The following COG3 variants were observed in gnomAD, a reference collection of about 807,000 sequenced individuals.
COG3 encodes conserved oligomeric Golgi complex subunit 3.
COG3 carries 32 observed loss-of-function variants against 114.1 expected under a neutral mutation model. That is an observed-to-expected ratio of 0.28 (90% CI 0.21 to 0.38). The LOEUF (loss-of-function observed/expected upper bound fraction) is 0.38. COG3 is among the 10% of genes least tolerant of loss of function. The probability of loss-of-function intolerance (pLI) is 1.00; values close to 1 mark genes in which losing one functional copy is unlikely to be tolerated. For synonymous variants in COG3, 352 were observed against 365.7 expected (o/e 0.96, Z 0.43); for missense variants, 813 against 973.2 (o/e 0.84, Z 2.19).
rs535276112 is a variant in COG3 at position 45,512,733 on chromosome 13, T to C, written c.1809+879T>C. ...GCCTCAACCTCCTGAGGTGAAGCAATTCTCCTGCTTCAGCTTCCTGAGCAA... is the reference window on the plus strand; with the variant it reads ...GCCTCAACCTCCTGAGGTGAAGCAACTCTCCTGCTTCAGCTTCCTGAGCAA... On this transcript the variant is annotated intron_variant, in intron 16 of 22. Transcript: ENST00000349995. 1.3e-4 allele frequency among the ~76,000 whole-genome samples: 20 copies of C among 151,994 alleles called. No homozygotes were observed. In the South Asian group the frequency reaches 4.2e-3, roughly 32 times the overall value.
chr13:45,465,294 C>T (rs1027295329), intron 1 of COG3, 84 bp downstream of exon 1: 62 of 1,530,738 alleles, frequency 4.1e-5, no homozygotes, highest in Non-Finnish European at 5.3e-5. Context: ...GCCTCACTAG[C>T]CTCTGCCCAG....
intron 15 of COG3, among the ~76,000 whole-genome samples, chr13:45,510,234 A>G (rs1870712091): frequency 6.6e-6 from 1 of 152,236 alleles, no homozygotes; most frequent in African/African-American, 2.4e-5. Context: ...GTAGGACTGC[A>G]CAGTTGTTTC....
Position 45,535,538 on chromosome 13 carries a change from C to CTGAG in COG3, c.*808_*811dup. 5.1e-6 allele frequency: 5 copies of CTGAG among 985,594 alleles called. No individual in the cohort carries two copies. The highest frequency in any genetic ancestry group is 6.0e-6 in the Non-Finnish European group (5 of 830,076). The allele number at this position is 985,594 out of a possible 1,614,324, so 61.1% of individuals were successfully genotyped here. A position where few individuals can be genotyped will look rare whatever the true frequency, so the allele number is the denominator to read the frequency against. On this transcript the variant is annotated 3_prime_UTR_variant, in exon 23 of 23. Coordinates refer to ENST00000349995, the MANE Select transcript of COG3 (RefSeq NM_031431.4). ...TGGCGCATAGAGGAGAGAAGGAAAC[C>CTGAG]TGAGGAGTAGTGTTCCTCCTGAATG...
At chr13:45,522,519 T>A (rs1249011605) in intron 19 of COG3, among the ~76,000 whole-genome samples, 1 of 152,182 alleles carries the variant, frequency 6.6e-6, no homozygotes, top group Non-Finnish European at 1.5e-5. Context: ...TTTGACAGGT[T>A]GAGAAATGGG....
At chr13:45,480,669 G>A (rs1173867487) in intron 4 of COG3, among the ~76,000 whole-genome samples, 1 of 152,142 alleles carries the variant, frequency 6.6e-6, no homozygotes, top group African/African-American at 2.4e-5. Context: ...GGGCTCAAGC[G>A]ATTCTCCTGC....
rs1482557837 is a variant in COG3 at position 45,509,834 on chromosome 13, G to A, written c.1719+18G>A. ...GCATAGATGTACGTGTATCTTTACTGTGAATTGCTCGTTCTTTCACTTGAA... is the reference window on the plus strand; with the variant it reads ...GCATAGATGTACGTGTATCTTTACTATGAATTGCTCGTTCTTTCACTTGAA... On this transcript the variant is annotated intron_variant, in intron 15 of 22. Coordinates refer to ENST00000349995, the MANE Select transcript of COG3 (RefSeq NM_031431.4). 6.4e-7 allele frequency: 1 copy of A among 1,566,386 alleles called. No individual in the cohort carries two copies. The highest frequency in any genetic ancestry group is 8.7e-7 in the Non-Finnish European group (1 of 1,148,408).
chr13:45,495,241 G>A (rs191962752), intron 12 of COG3, among the ~76,000 whole-genome samples: 28 of 147,192 alleles, frequency 1.9e-4, no homozygotes, highest in East Asian at 1.4e-3. Context: ...TCCTATCTGC[G>A]CCTCCCAAAG....
chr13:45,504,457 C>T (rs933339056), intron 14 of COG3, among the ~76,000 whole-genome samples: 12 of 152,152 alleles, frequency 7.9e-5, no homozygotes, highest in African/African-American at 1.4e-4. Context: ...CGGACTTGTG[C>T]GTTTTCTCTT....
chr13:45,501,233 C>T (rs1251309541), intron 13 of COG3, among the ~76,000 whole-genome samples: 4 of 152,176 alleles, frequency 2.6e-5, no homozygotes, highest in African/African-American at 9.7e-5. Context: ...TTTTTGAGGG[C>T]AAAGTATCTA....
At position 45,490,936 on chromosome 13, in the gene COG3, C is replaced by A; in HGVS notation, c.946C>A (p.Leu316Met). ...KVRTLIEQIE[L>M]RSEKIPEYQQ... is the part of the protein sequence containing the mutation. ...GCAGACTCTTATTGAACAAATAGAA[C>A]TGCGGTCTGAAAAAATACCTGAGTG... The change falls in exon 9 of 23, where the codon CTG becomes ATG. Residue 316 changes from leucine (L) to methionine (M), a missense_variant. Physicochemically the swap from Leu to Met is conservative, Grantham distance 15 (BLOSUM62 2). Transcript: ENST00000349995. 6.2e-7 allele frequency: 1 copy of A among 1,600,182 alleles called. No homozygotes were observed. Among genetic ancestry groups the A allele is most frequent in the Non-Finnish European group, 8.5e-7 (1 of 1,170,938 alleles).
intron 5 of COG3, 78 bp from the exon 6 acceptor site, chr13:45,482,303 C>A: frequency 1.4e-6 from 1 of 691,316 alleles, no homozygotes; most frequent in Non-Finnish European, 2.4e-6. Flanking sequence ...GGCAAATATG[C>A]TGACTCTAAT....
intron 12 of COG3, among the ~76,000 whole-genome samples, chr13:45,495,034 T>G (rs1301418864): frequency 6.7e-6 from 1 of 150,168 alleles, no homozygotes; most frequent in Non-Finnish European, 1.5e-5. Flanking sequence ...TTAGTAGAGA[T>G]GGGGTTTCAC....
At chr13:45,528,285 A>G (rs757174417) in intron 20 of COG3, among the ~76,000 whole-genome samples, 4 of 152,134 alleles carry the variant, frequency 2.6e-5, no homozygotes, top group Non-Finnish European at 4.4e-5. Context: ...GGAACACCCT[A>G]CTGTCTACGG....
rs1349898808 is a variant in COG3, at chr13:45,509,725, C to T, written c.1628C>T (p.Thr543Ile). Residue 543 changes from threonine to isoleucine, a missense_variant, in exon 15 of 23, where the codon ACC becomes ATC. Thr to Ile is a moderately conservative substitution (Grantham distance 89). Around this residue, in one of 2 missense-constraint regions of COG3, gnomAD observed 389 missense variants for 542.6 expected, o/e 0.72. Transcript: ENST00000349995. ...GAATCCCTCAATCCTAGACCACAGA[C>T]CACAATTTCTCCAGCAGATCTTCAT... is the stretch of plus-strand genomic sequence containing the variant. ...STESLNPRPQTTISPADLHGM... is the reference protein window; with the variant it reads ...STESLNPRPQITISPADLHGM... 1.2e-6 allele frequency: 2 copies of T among 1,614,128 alleles called. No homozygotes were observed. Among genetic ancestry groups the T allele is most frequent in the Non-Finnish European group, 1.7e-6 (2 of 1,179,980 alleles).
intron 14 of COG3, among the ~76,000 whole-genome samples, chr13:45,503,915 C>T (rs1018010226): frequency 7.2e-5 from 11 of 152,080 alleles, no homozygotes; most frequent in African/African-American, 2.7e-4. Context: ...TGTAAGCATA[C>T]TGAGTGTCTG....
chr13:45,489,684 G>C (rs989905705), intron 8 of COG3, among the ~76,000 whole-genome samples: 3 of 152,050 alleles, frequency 2.0e-5, no homozygotes, highest in Non-Finnish European at 4.4e-5. Flanking sequence ...GACAAAACTA[G>C]ACAGAAAATT....
In COG3 at chr13:45,496,292, G is replaced by A. The variant is rs185737568; in HGVS notation, c.1468G>A (p.Asp490Asn). The change falls in exon 13 of 23, where the codon GAT becomes AAT. Residue 490 changes from aspartate (D) to asparagine (N), a missense_variant. Coordinates refer to ENST00000349995, the MANE Select transcript of COG3 (RefSeq NM_031431.4). ...AGCTCCTGGAGATCTGGCATATCCCGATAAGTTAGTCATGATGGAGGTAGG... is the reference window on the plus strand; with the variant it reads ...AGCTCCTGGAGATCTGGCATATCCCAATAAGTTAGTCATGATGGAGGTAGG... The part of the protein sequence containing the change: ...KPAPGDLAYP[D>N]KLVMMEQIAQ... 4.4e-6 allele frequency: 7 copies of A among 1,594,328 alleles called. No homozygotes were observed. Among genetic ancestry groups the A allele is most frequent in the Admixed American group, 3.4e-5 (2 of 58,960 alleles).
chr13:45,521,091 G>A (rs1018641282), intron 19 of COG3, among the ~76,000 whole-genome samples: 1 of 152,210 alleles, frequency 6.6e-6, no homozygotes, highest in African/African-American at 2.4e-5. Flanking sequence ...TGTCTGAGGT[G>A]GGAGGATGGC....
intron 20 of COG3, among the ~76,000 whole-genome samples, chr13:45,528,262 C>T (rs1872862993): frequency 6.6e-6 from 1 of 152,078 alleles, no homozygotes; most frequent in Non-Finnish European, 1.5e-5. Context: ...GCACGTTACT[C>T]CTCTTACTTT....
Sources: gnomAD v4.1 joint callset for allele counts (sites outside exome capture counted in the v4.1 genomes callset) on GRCh38, gnomAD v4.1.1 for gene constraint, gnomAD v4.1.1 regional missense constraint, MANE v1.5 for transcripts, NCBI Gene and HGNC (gene_info 2026-07-23, HGNC 2026-07-21) for gene names.